MKLN1: variants seen among roughly 807,000 people sequenced by gnomAD.
The protein encoded by MKLN1 is muskelin 1.
MKLN1 carries 18 observed loss-of-function variants against 99.0 expected under a neutral mutation model. That is an observed-to-expected ratio of 0.18 (90% CI 0.13 to 0.27). The LOEUF (loss-of-function observed/expected upper bound fraction) is 0.27, where lower values mean the gene tolerates loss of function less well. Ranked by LOEUF, MKLN1 falls within the 10% of genes least tolerant of loss-of-function variation. The pLI, the probability that MKLN1 is intolerant of heterozygous loss-of-function variation, is 1.00. For synonymous variants in MKLN1, 288 were observed against 293.2 expected (o/e 0.98, Z 0.18); for missense variants, 621 against 875.9 (o/e 0.71, Z 3.67).
At chr7:131,456,741 C>T (rs1229075038) in intron 12 of MKLN1, among the ~76,000 whole-genome samples, 1 of 152,076 alleles carries the variant, frequency 6.6e-6, no homozygotes, top group Non-Finnish European at 1.5e-5. Flanking sequence ...CATATATGGA[C>T]ATGATTCTTG....
chr7:131,375,293 CTGTTT>C, intron 1 of MKLN1, 126 bp from the exon 2 acceptor site: 2 of 601,430 alleles, frequency 3.3e-6, no homozygotes, highest in Non-Finnish European at 6.0e-6. Flanking sequence ...TTTTCTTACT[CTGTTT>C]TGTTTTCTAT....
chr7:131,352,038 A>C (rs1436330820), intron 1 of MKLN1, among the ~76,000 whole-genome samples: 2 of 152,226 alleles, frequency 1.3e-5, no homozygotes, highest in African/African-American at 4.8e-5. Context: ...ACAAATGCTT[A>C]ATTCTTTCCT....
At chr7:131,189,710 A>C (rs1247991739) in intron 2 of MKLN1, among the ~76,000 whole-genome samples, 1 of 152,172 alleles carries the variant, frequency 6.6e-6, no homozygotes, top group Non-Finnish European at 1.5e-5. Context: ...TAATAGCAGT[A>C]GTGAGTGGGG....
At chr7:131,217,844 T>C (rs1759029354) in intron 3 of MKLN1, among the ~76,000 whole-genome samples, 1 of 152,178 alleles carries the variant, frequency 6.6e-6, no homozygotes. Flanking sequence ...GACAGATTAA[T>C]GTGTAATCGC....
chr7:131,136,119 G>C (rs760576085), intron 1 of MKLN1, among the ~76,000 whole-genome samples: 1 of 152,148 alleles, frequency 6.6e-6, no homozygotes, highest in African/African-American at 2.4e-5. Flanking sequence ...TTCTCAGAGG[G>C]GGGCCTCAGG....
At chr7:131,302,284 G>A (rs150991360) in intron 3 of MKLN1, among the ~76,000 whole-genome samples, 44 of 152,274 alleles carry the variant, frequency 2.9e-4, no homozygotes, top group Non-Finnish European at 5.1e-4. Context: ...ACCTATAGAT[G>A]TTCACTAAAT....
chr7:131,360,309 A>AT (rs1168285318), intron 1 of MKLN1, among the ~76,000 whole-genome samples: 2 of 152,106 alleles, frequency 1.3e-5, no homozygotes, highest in African/African-American at 2.4e-5. Context: ...ATATAATTGG[A>AT]TTGATATCTA....
chr7:131,467,360 A>G (rs1584773348), intron 15 of MKLN1, among the ~76,000 whole-genome samples: 1 of 152,246 alleles, frequency 6.6e-6, no homozygotes, highest in African/African-American at 2.4e-5. Context: ...AATTTATATT[A>G]CATGTTAGAT....
intron 1 of MKLN1, among the ~76,000 whole-genome samples, chr7:131,339,549 A>T (rs561390984): frequency 1.8e-4 from 27 of 152,206 alleles, no homozygotes; most frequent in African/African-American, 6.0e-4. Context: ...AAATACAAAA[A>T]TTAGCAGGAT....
intron 12 of MKLN1, among the ~76,000 whole-genome samples, chr7:131,449,051 C>T (rs1368557250): frequency 1.3e-5 from 2 of 152,122 alleles, no homozygotes; most frequent in African/African-American, 4.8e-5. Context: ...ACACTGGATG[C>T]CGTGATAATG....
chr7:131,167,087 C>T (rs904077797), intron 2 of MKLN1, among the ~76,000 whole-genome samples: 15 of 152,046 alleles, frequency 9.9e-5, no homozygotes, highest in African/African-American at 3.4e-4. Context: ...TCCTCTTCCC[C>T]ATTGTACTGA....
chr7:131,148,727 T>C (rs1159542196), intron 2 of MKLN1, among the ~76,000 whole-genome samples: 2 of 152,122 alleles, frequency 1.3e-5, no homozygotes, highest in African/African-American at 4.8e-5. Context: ...TGAGCCACGA[T>C]TGTGCAACTA....
At chr7:131,213,703 C>A (rs1297610654) in intron 3 of MKLN1, among the ~76,000 whole-genome samples, 2 of 152,186 alleles carry the variant, frequency 1.3e-5, no homozygotes, top group Non-Finnish European at 2.9e-5. Flanking sequence ...TATACAGTAC[C>A]ATTTTGCTTT....
chr7:131,258,284 A>G (rs943149038), intron 3 of MKLN1, among the ~76,000 whole-genome samples: 3 of 151,480 alleles, frequency 2.0e-5, no homozygotes, highest in Non-Finnish European at 4.4e-5. Flanking sequence ...AGAATTGGAA[A>G]GAGTGGGTAG....
At chr7:131,192,493 ATAAT>A (rs539584986) in intron 2 of MKLN1, among the ~76,000 whole-genome samples, 2,839 of 132,796 alleles carry the variant, frequency 0.021, 110 homozygotes, top group African/African-American at 0.074. Context: ...ATAAATATAT[ATAAT>A]ATATACACAT....
chr7:131,161,957 GTGTGTGTATATATA>G (rs1563236129), intron 2 of MKLN1, among the ~76,000 whole-genome samples: 891 of 68,358 alleles, frequency 0.013, 13 homozygotes, highest in African/African-American at 0.056. Context: ...ATACGTGTGT[GTGTGTGTATATATA>G]TATATATATA....
rs187334608 is a variant in MKLN1 at position 131,297,382 on chromosome 7, A to G, written c.-178-78042A>G. 2.7e-3 allele frequency among the ~76,000 whole-genome samples: 392 copies of G among 147,408 alleles called. 1 individual carries two copies. The highest frequency in any genetic ancestry group is 0.018 in the East Asian group (85 of 4,846). The stretch of plus-strand genomic sequence containing the variant: ...CTCAAAAAACAAAATATATATATAT[A>G]TGTGTGTGTGTATATATATACACAA... On this transcript the variant is annotated intron_variant, in intron 3 of 7. Coordinates refer to the MKLN1 transcript ENST00000416992.
chr7:131,245,108 TTCACGG>T (rs540218882), intron 3 of MKLN1, among the ~76,000 whole-genome samples: 18 of 152,286 alleles, frequency 1.2e-4, no homozygotes, highest in Non-Finnish European at 1.9e-4. Flanking sequence ...AAACTCTAAA[TTCACGG>T]TCAAAAATAT....
At chr7:131,244,324 C>T (rs56131832) in intron 3 of MKLN1, among the ~76,000 whole-genome samples, 2,010 of 152,262 alleles carry the variant, frequency 0.013, 39 homozygotes, top group African/African-American at 0.046. Context: ...CCCGCTCCTC[C>T]CTCCAACGCC....
Sources: allele counts gnomAD v4.1 joint callset (sites outside exome capture counted in the v4.1 genomes callset), GRCh38; gene constraint gnomAD v4.1.1; transcripts MANE v1.5; gene names NCBI Gene and HGNC (gene_info 2026-07-23, HGNC 2026-07-21).